The following SHPRH variants were observed in gnomAD, a reference collection of about 807,000 sequenced individuals.
SHPRH encodes the protein E3 ubiquitin-protein ligase SHPRH.
Under a neutral mutation model 202.5 loss-of-function variants are expected in SHPRH, and 106 were observed. That is an observed-to-expected ratio of 0.52 (90% CI 0.45 to 0.62). SHPRH has a LOEUF of 0.62. SHPRH is among the 20% of genes least tolerant of loss of function. SHPRH has a pLI of 0.00. For missense variants in SHPRH, 1,710 were observed against 2,020.0 expected, an observed-to-expected ratio of 0.85 and a Z score of 2.94; for synonymous variants, 729 against 686.0, an observed-to-expected ratio of 1.06 and a Z score of -0.98.
At chr6:145,867,623 TATATATATAGAGAGAGAG>T (rs1425543970) in intron 2 of SHPRH, among the ~76,000 whole-genome samples, 14 of 68,458 alleles carry the variant, frequency 2.0e-4, no homozygotes, top group African/African-American at 1.0e-3. Flanking sequence ...TATATATATA[TATATATATAGAGAGAGAG>T]AGAGAGAGAG....
At chr6:145,887,366 T>G (rs1219645885) in intron 29 of SHPRH, among the ~76,000 whole-genome samples, 2 of 152,048 alleles carry the variant, frequency 1.3e-5, no homozygotes, top group Non-Finnish European at 2.9e-5. Flanking sequence ...ACCTACCTCC[T>G]AAAGATGTAG....
chr6:145,945,750 GATTT>G (rs2128788461), intron 7 of SHPRH, 113 bp from the exon 8 acceptor site: 1 of 1,172,946 alleles, frequency 8.5e-7, no homozygotes, highest in Non-Finnish European at 1.1e-6. Flanking sequence ...ATAAATCAAA[GATTT>G]ATTACAGCAG....
intron 17 of SHPRH, among the ~76,000 whole-genome samples, chr6:145,924,133 A>G (rs1414628153): frequency 6.6e-6 from 1 of 152,002 alleles, no homozygotes; most frequent in East Asian, 1.9e-4. Context: ...TTATCAGCAT[A>G]AGAAAGAAAG....
intron 11 of SHPRH, among the ~76,000 whole-genome samples, chr6:145,937,882 T>C (rs1303481283): frequency 6.6e-6 from 1 of 152,228 alleles, no homozygotes; most frequent in African/African-American, 2.4e-5. Context: ...TATGATGTTA[T>C]AGAACAAACT....
At chr6:145,923,052 T>C (rs1010890914) in intron 18 of SHPRH, among the ~76,000 whole-genome samples, 1 of 151,470 alleles carries the variant, frequency 6.6e-6, no homozygotes, top group African/African-American at 2.4e-5. Flanking sequence ...AATTTGATAG[T>C]CCTGTGCTCA....
At chr6:145,946,407 A>C in intron 6 of SHPRH, 66 bp from the exon 7 acceptor site, 2 of 1,280,948 alleles carry the variant, frequency 1.6e-6, no homozygotes, top group Non-Finnish European at 2.1e-6. Context: ...TGCTTATTGA[A>C]ATTAACTTTC....
intron 8 of SHPRH, among the ~76,000 whole-genome samples, chr6:145,944,278 C>T (rs907741789): frequency 6.6e-6 from 1 of 152,142 alleles, no homozygotes; most frequent in Non-Finnish European, 1.5e-5. Context: ...CTTACAATTA[C>T]TTATTAAATG....
intron 18 of SHPRH, 75 bp from the exon 19 acceptor site, chr6:145,922,911 G>T: frequency 1.4e-6 from 2 of 1,430,362 alleles, no homozygotes; most frequent in Non-Finnish European, 1.8e-6. Flanking sequence ...TCAGAGAATG[G>T]TTGCCAAACA....
At chr6:145,948,163 T>A (rs1415107929) in intron 5 of SHPRH, 109 bp downstream of exon 5, 1 of 710,538 alleles carries the variant, frequency 1.4e-6, no homozygotes, top group African/African-American at 1.8e-5. Flanking sequence ...ACTTCACCTT[T>A]GATTCCTTCA....
Position 145,894,148 on chromosome 6 carries a change from A to G in SHPRH, c.4695+2T>C. 1 of 1,590,884 alleles carries G rather than the reference A, an allele frequency of 6.3e-7. No homozygotes were observed. Among genetic ancestry groups the G allele is most frequent in the Non-Finnish European group, 8.5e-7 (1 of 1,172,452 alleles). ...AAAAACCGGAGTAAAATCTTAACAT[A>G]CCTGAAATGTCTTAACACGACTGAT... On this transcript the variant is annotated splice_donor_variant, in intron 27 of 29. Coordinates refer to ENST00000275233, the MANE Select transcript of SHPRH (RefSeq NM_001042683.3). LOFTEE classifies it high-confidence loss of function.
At chr6:145,939,629 A>G (rs1484995222) in intron 11 of SHPRH, among the ~76,000 whole-genome samples, 2 of 152,150 alleles carry the variant, frequency 1.3e-5, no homozygotes, top group Non-Finnish European at 2.9e-5. Context: ...GACCTTATTA[A>G]CGCCTAAACA....
intron 1 of SHPRH, among the ~76,000 whole-genome samples, chr6:145,959,170 T>C (rs1788819363): frequency 6.6e-6 from 1 of 152,176 alleles, no homozygotes; most frequent in Admixed American, 6.5e-5. Flanking sequence ...TTGTGTAGCA[T>C]AAGTGTACAG....
At chr6:145,915,523 AC>A in intron 23 of SHPRH, among the ~76,000 whole-genome samples, 1 of 152,016 alleles carries the variant, frequency 6.6e-6, no homozygotes, top group South Asian at 2.1e-4. Flanking sequence ...TCCTTATTTC[AC>A]TTTTTTTAAA....
At chr6:145,873,456 A>G (rs1017921772) in intron 2 of SHPRH, among the ~76,000 whole-genome samples, 13 of 152,206 alleles carry the variant, frequency 8.5e-5, no homozygotes, top group African/African-American at 2.9e-4. Flanking sequence ...CTTCCAGTTA[A>G]TAAGTTCACT....
chr6:145,935,300 G>C lies in SHPRH; in HGVS notation c.2711C>G (p.Ala904Gly), dbSNP rs773679511. Residue 904 changes from alanine (A) to glycine (G), a missense_variant, in exon 12 of 30, where the codon GCA becomes GGA. Transcript: ENST00000275233. ...SFIAKILWRSAKKDVIDQIQI... is the reference protein window; with the variant it reads ...SFIAKILWRSGKKDVIDQIQI... Reference sequence around the variant, plus strand: ...GACTTGGTCAATCACATCTTTCTTTGCAGACCTCCACAGTATCTTGGCAAT... The same window carrying C: ...GACTTGGTCAATCACATCTTTCTTTCCAGACCTCCACAGTATCTTGGCAAT... 2 of 1,613,566 alleles carry C rather than the reference G, an allele frequency of 1.2e-6. No homozygotes were observed. Among genetic ancestry groups the C allele is most frequent in the East Asian group, 4.5e-5 (2 of 44,862 alleles).
intron 9 of SHPRH, among the ~76,000 whole-genome samples, chr6:145,942,544 T>C (rs1786904782): frequency 6.6e-6 from 1 of 152,110 alleles, no homozygotes; most frequent in Non-Finnish European, 1.5e-5. Context: ...TCAGTAACAC[T>C]TGCATGGAAA....
At chr6:145,925,821 C>A (rs1784827592) in intron 16 of SHPRH, among the ~76,000 whole-genome samples, 1 of 151,856 alleles carries the variant, frequency 6.6e-6, no homozygotes, top group African/African-American at 2.4e-5. Context: ...ACTTTATTTA[C>A]CCCCTTAAAA....
At chr6:145,932,900 T>C (rs958883672) in intron 14 of SHPRH, 157 bp downstream of exon 14, 42 of 769,266 alleles carry the variant, frequency 5.5e-5, no homozygotes, top group Middle Eastern at 3.9e-4. Flanking sequence ...AACTGCTCTA[T>C]ATTAAGTTGA....
At chr6:145,897,749 T>C (rs1782137387) in intron 25 of SHPRH, among the ~76,000 whole-genome samples, 1 of 151,994 alleles carries the variant, frequency 6.6e-6, no homozygotes, top group Admixed American at 6.6e-5. Context: ...ATAAATGTGA[T>C]ACACCACAGA....
Sources: gnomAD v4.1 joint callset for allele counts (sites outside exome capture counted in the v4.1 genomes callset) on GRCh38, gnomAD v4.1.1 for gene constraint, MANE v1.5 for transcripts, NCBI Gene and HGNC (gene_info 2026-07-23, HGNC 2026-07-21) for gene names.